Variants in FSHR observed in about 807,000 individuals in gnomAD.
The protein encoded by FSHR is follicle-stimulating hormone receptor.
In FSHR, 46 loss-of-function variants were observed where a neutral mutation model predicts 52.1. The observed-to-expected ratio is 0.88, with a 90% CI of 0.70 to 1.13. The LOEUF is 1.13. Among genes scored for constraint, FSHR ranks in the 50% most tolerant of loss-of-function variants. The probability of loss-of-function intolerance (pLI) is 0.00; values close to 1 mark genes in which losing one functional copy is unlikely to be tolerated. For missense variants in FSHR, 964 were observed against 834.6 expected, an observed-to-expected ratio of 1.16 and a Z score of -1.91; for synonymous variants, 399 against 309.6, an observed-to-expected ratio of 1.29 and a Z score of -3.03.
intron 1 of FSHR, among the ~76,000 whole-genome samples, chr2:49,141,189 C>T (rs994675835): frequency 1.3e-5 from 2 of 152,212 alleles, no homozygotes; most frequent in Admixed American, 1.3e-4. Context: ...CACAACCCCA[C>T]TGATTGAATC....
chr2:49,077,476 C>A (rs897509182), intron 1 of FSHR, among the ~76,000 whole-genome samples: 3 of 152,190 alleles, frequency 2.0e-5, no homozygotes, highest in Admixed American at 6.5e-5. Context: ...GTGATGAGAG[C>A]AGCTGCTGTG....
chr2:49,119,327 T>A (rs558248322), intron 1 of FSHR, among the ~76,000 whole-genome samples: 1 of 152,308 alleles, frequency 6.6e-6, no homozygotes, highest in East Asian at 1.9e-4. Context: ...CAGTGTTCGA[T>A]AGGCAAACAA....
At chr2:49,017,267 T>G (rs1667521561) in intron 4 of FSHR, among the ~76,000 whole-genome samples, 1 of 152,186 alleles carries the variant, frequency 6.6e-6, no homozygotes, top group Non-Finnish European at 1.5e-5. Context: ...ATGGCATTTC[T>G]TATGTCTGTT....
chr2:49,020,984 C>A (rs942121017), intron 2 of FSHR, among the ~76,000 whole-genome samples: 5 of 152,104 alleles, frequency 3.3e-5, no homozygotes, highest in Non-Finnish European at 7.4e-5. Flanking sequence ...ATAGCTAATG[C>A]ATGCTGGGCT....
At chr2:49,066,692 G>T (rs1243486708) in intron 2 of FSHR, among the ~76,000 whole-genome samples, 6 of 152,066 alleles carry the variant, frequency 3.9e-5, no homozygotes, top group African/African-American at 9.7e-5. Context: ...TGTCAGCTCA[G>T]CTCAACCATT....
At chr2:49,086,367 A>G (rs576224995) in intron 1 of FSHR, among the ~76,000 whole-genome samples, 1 of 152,258 alleles carries the variant, frequency 6.6e-6, no homozygotes, top group East Asian at 1.9e-4. Context: ...CATAATCACA[A>G]TTAGCTATAA....
rs945663210 is a variant in FSHR, at chr2:49,051,543, T to C, written c.224+16676A>G. On this transcript the variant is annotated intron_variant, in intron 2 of 9. Coordinates refer to ENST00000406846, the MANE Select transcript of FSHR (RefSeq NM_000145.4). Reference sequence around the variant, plus strand: ...TTAAATTAGATTGTGTGTCTACTTATTTTTTACTTCTTTATATATAGAAAG... The same window carrying C: ...TTAAATTAGATTGTGTGTCTACTTACTTTTTACTTCTTTATATATAGAAAG... 1.6e-4 allele frequency among the ~76,000 whole-genome samples: 25 copies of C among 152,138 alleles called. 1 individual carries two copies. Among genetic ancestry groups the C allele is most frequent in the Admixed American group, 1.1e-3 (17 of 15,276 alleles).
intron 4 of FSHR, among the ~76,000 whole-genome samples, chr2:49,013,519 T>TAA (rs1409402341): frequency 5.7e-5 from 8 of 140,018 alleles, no homozygotes; most frequent in Non-Finnish European, 1.2e-4. Context: ...TATATATAAA[T>TAA]ATATATAAAA....
At chr2:49,140,314 C>A (rs1285024717) in intron 1 of FSHR, among the ~76,000 whole-genome samples, 1 of 151,660 alleles carries the variant, frequency 6.6e-6, no homozygotes, top group African/African-American at 2.4e-5. Context: ...CCCCGCACCA[C>A]CCCCCACCCA....
At position 49,073,903 on chromosome 2, in the gene FSHR, A is replaced by G. The variant is rs1363904569; in HGVS notation, c.153-5613T>C. On this transcript the variant is annotated intron_variant, in intron 1 of 9. Coordinates refer to ENST00000406846, the MANE Select transcript of FSHR (RefSeq NM_000145.4). ...TAATCCATGTATTGACATTCAACTA[A>G]TTTTTGACAAAGGTGTCAAGAACAC... Among the ~76,000 whole-genome samples the G allele has an allele frequency of 2.0e-5, 3 of 152,198 alleles. No individual in the cohort carries two copies. In the East Asian group the frequency reaches 5.8e-4, roughly 29 times the overall value.
chr2:49,133,603 A>G (rs1243260155), intron 1 of FSHR, among the ~76,000 whole-genome samples: 1 of 152,204 alleles, frequency 6.6e-6, no homozygotes, highest in East Asian at 1.9e-4. Context: ...AAGAGCCCTC[A>G]TTGCCAAAAC....
intron 1 of FSHR, among the ~76,000 whole-genome samples, chr2:49,090,263 A>C (rs1240514918): frequency 1.3e-5 from 2 of 152,126 alleles, no homozygotes; most frequent in African/African-American, 4.8e-5. Context: ...TTGGACTGAC[A>C]TTTTGAGGAA....
chr2:49,108,249 G>A (rs1040913453), intron 1 of FSHR, among the ~76,000 whole-genome samples: 1 of 152,086 alleles, frequency 6.6e-6, no homozygotes, highest in African/African-American at 2.4e-5. Context: ...ATTCAAACTG[G>A]AACTGCACTA....
chr2:49,090,754 C>T (rs553900664), intron 1 of FSHR, among the ~76,000 whole-genome samples: 1 of 152,166 alleles, frequency 6.6e-6, no homozygotes, highest in African/African-American at 2.4e-5. Flanking sequence ...GTTCCAGGTG[C>T]TCTACATCCT....
At chr2:49,061,438 CAA>C (rs1669284161) in intron 2 of FSHR, among the ~76,000 whole-genome samples, 1 of 149,740 alleles carries the variant, frequency 6.7e-6, no homozygotes, top group Non-Finnish European at 1.5e-5. Flanking sequence ...AACTATGGGT[CAA>C]AAACTGTAAA....
intron 1 of FSHR, among the ~76,000 whole-genome samples, chr2:49,112,788 T>C (rs1269985924): frequency 6.6e-6 from 1 of 152,158 alleles, no homozygotes. Flanking sequence ...TTGTGAACAA[T>C]GCTTTATTAA....
At chr2:48,969,057 G>T (rs957835165) in intron 8 of FSHR, among the ~76,000 whole-genome samples, 174 bp from the exon 9 acceptor site, 4 of 152,148 alleles carry the variant, frequency 2.6e-5, no homozygotes, top group Admixed American at 6.5e-5. Flanking sequence ...TAGGACATTT[G>T]GTTCTGTAGG....
intron 4 of FSHR, among the ~76,000 whole-genome samples, chr2:49,015,275 C>A (rs1368182645): frequency 6.6e-6 from 1 of 152,144 alleles, no homozygotes; most frequent in Non-Finnish European, 1.5e-5. Flanking sequence ...CATGCTCCAA[C>A]TTCCTCTTTT....
In FSHR at chr2:48,964,861, A is replaced by G. The variant is rs568279590; in HGVS notation, c.855-895T>C. On this transcript the variant is annotated intron_variant, in intron 9 of 9. Transcript: ENST00000406846. ...GGTGATAAATATTCAATCCACGAGT[A>G]TACCCATAAATATTCTACCCCAGAG... Among the ~76,000 whole-genome samples, 12 of 152,312 alleles carry G rather than the reference A, an allele frequency of 7.9e-5. No individual in the cohort carries two copies. In the South Asian group the frequency reaches 2.1e-3, roughly 26 times the overall value.
Sources: gnomAD v4.1 joint callset for allele counts (sites outside exome capture counted in the v4.1 genomes callset) on GRCh38, gnomAD v4.1.1 for gene constraint, MANE v1.5 for transcripts, NCBI Gene and HGNC (gene_info 2026-07-23, HGNC 2026-07-21) for gene names.